The following SNTB1 variants were observed in gnomAD, a reference collection of about 807,000 sequenced individuals.
The protein encoded by SNTB1 is syntrophin beta 1.
In SNTB1, 36 loss-of-function variants were observed where a neutral mutation model predicts 48.9. That is an observed-to-expected ratio of 0.74 (90% CI 0.56 to 0.97). SNTB1 has a LOEUF of 0.97. Among genes scored for constraint, SNTB1 ranks in the 50% least tolerant of loss-of-function variants. SNTB1 has a pLI of 0.00. For missense variants in SNTB1, 786 were observed against 703.4 expected, an observed-to-expected ratio of 1.12 and a Z score of -1.33; for synonymous variants, 299 against 294.6, an observed-to-expected ratio of 1.01 and a Z score of -0.15.
chr8:120,801,462 C>T (rs1388437907), intron 1 of SNTB1, among the ~76,000 whole-genome samples: 2 of 151,894 alleles, frequency 1.3e-5, no homozygotes, highest in African/African-American at 2.4e-5. Flanking sequence ...TTACTCTACA[C>T]CTGTCTCTCC....
intron 1 of SNTB1, among the ~76,000 whole-genome samples, chr8:120,766,676 T>A (rs150551526): frequency 0.023 from 3,517 of 152,328 alleles, 138 homozygotes; most frequent in African/African-American, 0.08. Flanking sequence ...GATGTTAACC[T>A]ACAAAATACT....
At chr8:120,577,201 T>C (rs1278942925) in intron 3 of SNTB1, among the ~76,000 whole-genome samples, 5 of 152,246 alleles carry the variant, frequency 3.3e-5, no homozygotes, top group Non-Finnish European at 5.9e-5. Context: ...TATATTTTAA[T>C]GCCTCCCTTC....
intron 1 of SNTB1, among the ~76,000 whole-genome samples, chr8:120,785,223 A>T (rs1181775468): frequency 6.6e-6 from 1 of 152,192 alleles, no homozygotes; most frequent in African/African-American, 2.4e-5. Context: ...AGAGAGCAGG[A>T]AGTGTGCTAC....
At chr8:120,786,400 C>A (rs772775455) in intron 1 of SNTB1, among the ~76,000 whole-genome samples, 4 of 152,170 alleles carry the variant, frequency 2.6e-5, no homozygotes, top group African/African-American at 9.7e-5. Context: ...TCTAGCCCAA[C>A]GATCAGGCAG....
chr8:120,572,170 C>A (rs1392820107), intron 4 of SNTB1, among the ~76,000 whole-genome samples: 1 of 152,194 alleles, frequency 6.6e-6, no homozygotes, highest in Non-Finnish European at 1.5e-5. Flanking sequence ...TTGACCATAA[C>A]CTGTTTGGCA....
chr8:120,654,498 C>T (rs896902946), intron 2 of SNTB1, among the ~76,000 whole-genome samples: 3 of 152,152 alleles, frequency 2.0e-5, no homozygotes. Context: ...AATGCCACAG[C>T]TGTGTTTATT....
intron 3 of SNTB1, among the ~76,000 whole-genome samples, chr8:120,629,659 T>C (rs1428458720): frequency 6.6e-6 from 1 of 152,216 alleles, no homozygotes; most frequent in Non-Finnish European, 1.5e-5. Context: ...TAAATATTTA[T>C]TCAAAAAAAT....
At chr8:120,584,629 A>T (rs1322554691) in intron 3 of SNTB1, among the ~76,000 whole-genome samples, 3 of 151,934 alleles carry the variant, frequency 2.0e-5, no homozygotes, top group Non-Finnish European at 4.4e-5. Context: ...ATGACAGTCT[A>T]CTCTGATGAG....
intron 2 of SNTB1, chr8:120,638,047 G>A (rs1489239630): frequency 1.2e-5 from 2 of 160,894 alleles, no homozygotes; most frequent in Non-Finnish European, 2.8e-5. Flanking sequence ...GATAAATTCT[G>A]TTCTCTTATT....
At chr8:120,592,151 A>C (rs1344002109) in intron 3 of SNTB1, among the ~76,000 whole-genome samples, 1 of 152,110 alleles carries the variant, frequency 6.6e-6, no homozygotes, top group East Asian at 1.9e-4. Context: ...TAAAAATATA[A>C]ATTAGCAGTC....
chr8:120,782,201 C>T (rs35201684), intron 1 of SNTB1, among the ~76,000 whole-genome samples: 10,286 of 152,148 alleles, frequency 0.068, 512 homozygotes, highest in African/African-American at 0.14. Flanking sequence ...ACCAGTGATA[C>T]TGGACTAGGG....
At chr8:120,740,894 T>C (rs972183721) in intron 1 of SNTB1, among the ~76,000 whole-genome samples, 2 of 152,092 alleles carry the variant, frequency 1.3e-5, no homozygotes, top group Non-Finnish European at 2.9e-5. Context: ...ACACAACCAC[T>C]AGGAAGTGGT....
At chr8:120,651,821 A>G (rs981653184) in intron 2 of SNTB1, among the ~76,000 whole-genome samples, 3 of 152,180 alleles carry the variant, frequency 2.0e-5, no homozygotes, top group African/African-American at 7.2e-5. Flanking sequence ...AAGTCATTAA[A>G]GTCAGAGAGC....
At chr8:120,545,175 CT>C (rs1394833376) in intron 5 of SNTB1, among the ~76,000 whole-genome samples, 2 of 152,210 alleles carry the variant, frequency 1.3e-5, no homozygotes, top group East Asian at 3.9e-4. Flanking sequence ...GAAACCCCAT[CT>C]CTACTAAAAA....
At chr8:120,765,703 C>G (rs901140564) in intron 1 of SNTB1, 1 of 152,152 alleles carries the variant, frequency 6.6e-6, no homozygotes, top group Non-Finnish European at 1.5e-5. Flanking sequence ...TAAACACTAC[C>G]CACTAGGTCC....
chr8:120,635,018 A>T (rs1422456744), intron 2 of SNTB1, among the ~76,000 whole-genome samples: 2 of 152,048 alleles, frequency 1.3e-5, no homozygotes, highest in African/African-American at 2.4e-5. Flanking sequence ...CACCCAGCTA[A>T]TTTTTTTGGT....
intron 2 of SNTB1, among the ~76,000 whole-genome samples, chr8:120,645,407 T>G (rs1480912579): frequency 1.3e-5 from 2 of 149,588 alleles, no homozygotes; most frequent in Admixed American, 1.3e-4. Flanking sequence ...CCAGCACCAT[T>G]TATTAAATAG....
At chr8:120,549,708 G>A (rs1434032541) in intron 4 of SNTB1, among the ~76,000 whole-genome samples, 1 of 152,216 alleles carries the variant, frequency 6.6e-6, no homozygotes, top group Admixed American at 6.5e-5. Context: ...GCCACCTTCG[G>A]AGCAGGGGCT....
chr8:120,726,182 T>A (rs1270087595), intron 1 of SNTB1, among the ~76,000 whole-genome samples: 2 of 152,222 alleles, frequency 1.3e-5, no homozygotes, highest in Non-Finnish European at 2.9e-5. Flanking sequence ...AGAACTATGT[T>A]TATTCAGTTT....
Sources: gnomAD v4.1 joint callset for allele counts (sites outside exome capture counted in the v4.1 genomes callset) on GRCh38, gnomAD v4.1.1 for gene constraint, MANE v1.5 for transcripts, NCBI Gene and HGNC (gene_info 2026-07-23, HGNC 2026-07-21) for gene names.